The following ARMH4 variants were observed in gnomAD, a reference collection of about 807,000 sequenced individuals.
ARMH4 encodes the protein armadillo-like helical domain-containing protein 4.
Under a neutral mutation model 61.9 loss-of-function variants are expected in ARMH4, and 49 were observed. That is an observed-to-expected ratio of 0.79 (90% CI 0.63 to 1.00). ARMH4 has a LOEUF of 1.00. Ranked by LOEUF, ARMH4 falls within the 50% of genes least tolerant of loss-of-function variation. The pLI, the probability that ARMH4 is intolerant of heterozygous loss-of-function variation, is 0.00. For synonymous variants in ARMH4, 368 were observed against 341.5 expected (o/e 1.08, Z -0.85); for missense variants, 934 against 930.0 (o/e 1.00, Z -0.06).
chr14:58,148,272 C>G (rs2140004411), intron 1 of ARMH4, among the ~76,000 whole-genome samples: 1 of 152,328 alleles, frequency 6.6e-6, no homozygotes, highest in African/African-American at 2.4e-5. Flanking sequence ...GTCTCGAACT[C>G]TTGGCTTCGT....
intron 2 of ARMH4, among the ~76,000 whole-genome samples, chr14:58,136,604 T>C (rs1887308509): frequency 6.6e-6 from 1 of 152,184 alleles, no homozygotes; most frequent in African/African-American, 2.4e-5. Context: ...TCTCAACACC[T>C]TATAAAACAT....
chr14:58,043,216 G>A (rs1002358326), intron 5 of ARMH4, among the ~76,000 whole-genome samples: 40 of 152,210 alleles, frequency 2.6e-4, no homozygotes, highest in Non-Finnish European at 4.4e-4. Flanking sequence ...TAAAATACTG[G>A]TAAACTGAAT....
At chr14:58,071,853 A>G (rs1438189961) in intron 5 of ARMH4, among the ~76,000 whole-genome samples, 1 of 152,242 alleles carries the variant, frequency 6.6e-6, no homozygotes, top group Admixed American at 6.5e-5. Flanking sequence ...AATAGTGCTG[A>G]CGACAAGGGA....
chr14:58,053,478 C>G (rs964586920), intron 5 of ARMH4, among the ~76,000 whole-genome samples: 3 of 152,156 alleles, frequency 2.0e-5, no homozygotes, highest in African/African-American at 4.8e-5. Flanking sequence ...TTCCTGCCCC[C>G]ACCCTTCATA....
At chr14:58,020,391 A>T (rs1293901990) in intron 5 of ARMH4, among the ~76,000 whole-genome samples, 1 of 151,964 alleles carries the variant, frequency 6.6e-6, no homozygotes, top group Admixed American at 6.6e-5. Flanking sequence ...CCTCGGACAA[A>T]TGTGCTTCTC....
In ARMH4 at chr14:58,004,413, C is replaced by T. The variant is rs1882082845; in HGVS notation, c.*323G>A. ...CAGGTAATTCAAACCAAGGAAAAGA[C>T]ACTGTGGAAAACTACAAAATATTTA... On this transcript the variant is annotated 3_prime_UTR_variant, in exon 8 of 8. Transcript: ENST00000267485. 5.3e-6 allele frequency: 1 copy of T among 188,868 alleles called. No individual in the cohort carries two copies. Among genetic ancestry groups the T allele is most frequent in the African/African-American group, 2.3e-5 (1 of 42,686 alleles). 11.7% of individuals were successfully genotyped at this position (188,868 alleles called of 1,614,324 possible).
At chr14:58,024,314 T>C (rs545993727) in intron 5 of ARMH4, among the ~76,000 whole-genome samples, 40 of 152,328 alleles carry the variant, frequency 2.6e-4, no homozygotes, top group Non-Finnish European at 5.6e-4. Flanking sequence ...TCTGTACTTT[T>C]ATATTATGGA....
At chr14:58,076,625 T>G (rs376668802) in intron 5 of ARMH4, among the ~76,000 whole-genome samples, 2 of 152,138 alleles carry the variant, frequency 1.3e-5, no homozygotes, top group African/African-American at 4.8e-5. Context: ...TTTTATTATA[T>G]GTAAATTATA....
At chr14:58,079,578 T>C (rs1050488688) in intron 5 of ARMH4, among the ~76,000 whole-genome samples, 2 of 152,120 alleles carry the variant, frequency 1.3e-5, no homozygotes, top group East Asian at 3.8e-4. Context: ...ATTCAAACCA[T>C]AGTAGGTATA....
intron 5 of ARMH4, among the ~76,000 whole-genome samples, chr14:58,032,621 T>C (rs1398899852): frequency 2.0e-5 from 3 of 152,230 alleles, no homozygotes; most frequent in Admixed American, 1.3e-4. Flanking sequence ...GGGTGATTTC[T>C]GCATTTCCAT....
chr14:58,089,434 T>C (rs1885488438), intron 5 of ARMH4, among the ~76,000 whole-genome samples: 1 of 152,064 alleles, frequency 6.6e-6, no homozygotes, highest in Non-Finnish European at 1.5e-5. Flanking sequence ...GGGCTAAGGG[T>C]CTCACTTCCT....
chr14:58,143,425 T>C (rs1306741397), intron 1 of ARMH4, among the ~76,000 whole-genome samples: 2 of 152,196 alleles, frequency 1.3e-5, no homozygotes, highest in Non-Finnish European at 2.9e-5. Flanking sequence ...CATATCTGAA[T>C]ATTAAATTAC....
chr14:58,045,375 C>T (rs1883896963), intron 5 of ARMH4, among the ~76,000 whole-genome samples: 1 of 152,128 alleles, frequency 6.6e-6, no homozygotes, highest in African/African-American at 2.4e-5. Context: ...AAAAACCAAA[C>T]ATCACATGTT....
At chr14:58,133,446 T>G in intron 2 of ARMH4, 105 bp from the exon 3 acceptor site, 1 of 1,071,114 alleles carries the variant, frequency 9.3e-7, no homozygotes, top group South Asian at 1.6e-5. Flanking sequence ...CAGATGCTAT[T>G]TCAGGAACTG....
chr14:58,060,830 GT>G (rs1402785432), intron 5 of ARMH4, among the ~76,000 whole-genome samples: 1 of 152,162 alleles, frequency 6.6e-6, no homozygotes, highest in African/African-American at 2.4e-5. Context: ...AAGGGAAGAA[GT>G]TTTTAGAGTT....
At chr14:58,124,303 A>C (rs1342524605) in intron 4 of ARMH4, among the ~76,000 whole-genome samples, 1 of 152,222 alleles carries the variant, frequency 6.6e-6, no homozygotes, top group Non-Finnish European at 1.5e-5. Flanking sequence ...TCATAGAAAA[A>C]ACAGGAATAG....
intron 4 of ARMH4, among the ~76,000 whole-genome samples, chr14:58,121,886 T>C (rs534030660): frequency 6.6e-6 from 1 of 152,328 alleles, no homozygotes; most frequent in African/African-American, 2.4e-5. Flanking sequence ...TGTGTTCGTG[T>C]TAATAGTTAT....
rs556581826 is a variant in ARMH4, at chr14:58,060,716, A to T, written c.2089+36008T>A. On this transcript the variant is annotated intron_variant, in intron 5 of 7. Coordinates refer to ENST00000267485, the MANE Select transcript of ARMH4 (RefSeq NM_001001872.4). Reference sequence around the variant, plus strand: ...TACAAAATACCTCTCTGTCTGAAAAAGGTCACTACTCTTCAGAAGCAATGA... The same window carrying T: ...TACAAAATACCTCTCTGTCTGAAAATGGTCACTACTCTTCAGAAGCAATGA... Among the ~76,000 whole-genome samples, 16 of 152,296 alleles carry T rather than the reference A, an allele frequency of 1.1e-4. No homozygotes were observed. The East Asian group carries it at 2.7e-3, about 26-fold the overall frequency.
intron 4 of ARMH4, among the ~76,000 whole-genome samples, chr14:58,116,951 T>C (rs1886551190): frequency 6.6e-6 from 1 of 152,186 alleles, no homozygotes; most frequent in Non-Finnish European, 1.5e-5. Flanking sequence ...TAGAGTTCAA[T>C]ACTTGCTCCT....
Sources: gnomAD v4.1 joint callset for allele counts (sites outside exome capture counted in the v4.1 genomes callset) on GRCh38, gnomAD v4.1.1 for gene constraint, MANE v1.5 for transcripts, NCBI Gene and HGNC (gene_info 2026-07-23, HGNC 2026-07-21) for gene names.